The following MICAL3 variants were observed in gnomAD, a reference collection of about 807,000 sequenced individuals.
MICAL3 encodes microtubule associated monooxygenase, calponin and LIM domain containing 3.
A neutral mutation model predicts 207.4 loss-of-function variants in MICAL3; 62 were observed. That is an observed-to-expected ratio of 0.30 (90% CI 0.24 to 0.37). The LOEUF is 0.37. MICAL3 is among the 10% of genes least tolerant of loss of function. MICAL3 has a pLI of 1.00. For synonymous variants in MICAL3, 1,077 were observed against 1,069.3 expected (o/e 1.01, Z -0.14); for missense variants, 2,368 against 2,635.6 (o/e 0.90, Z 2.22).
At chr22:18,002,478 C>A (rs1923103757) in intron 1 of MICAL3, among the ~76,000 whole-genome samples, 1 of 151,818 alleles carries the variant, frequency 6.6e-6, no homozygotes, top group Non-Finnish European at 1.5e-5. Flanking sequence ...ACTAAAAATA[C>A]AAAAAATAGC....
intron 16 of MICAL3, among the ~76,000 whole-genome samples, chr22:17,881,524 G>A (rs985384807): frequency 6.6e-6 from 1 of 151,838 alleles, no homozygotes; most frequent in African/African-American, 2.4e-5. Flanking sequence ...GCGGGACTGG[G>A]GAGAACCAGC....
At position 17,791,212 on chromosome 22, in the gene MICAL3, G is replaced by A. The variant is rs61743624; in HGVS notation, c.5740C>T (p.Leu1914=). ...KNAMVRYESE[L]MIFARELELE... ...CCCAAGGCCACTCACAAGATCATCAGCTCCGACTCGTAGCGCACCATGGCG... is the reference window on the plus strand; with the variant it reads ...CCCAAGGCCACTCACAAGATCATCAACTCCGACTCGTAGCGCACCATGGCG... Residue 1914 remains leucine, a synonymous_variant, in exon 30 of 32, where the codon CTG becomes TTG. Coordinates refer to ENST00000441493, the MANE Select transcript of MICAL3 (RefSeq NM_015241.3). The A allele has an allele frequency of 1.8e-3, 2,971 of 1,613,784 alleles. 6 individuals are homozygous for A. Among genetic ancestry groups the A allele is most frequent in the Non-Finnish European group, 2.3e-3 (2,693 of 1,179,830 alleles).
rs369848738 is a variant in MICAL3 at position 17,928,819 on chromosome 22, G to T, written c.-74-21933C>A. Among the ~76,000 whole-genome samples the T allele has an allele frequency of 4.6e-3, 698 of 152,278 alleles. 5 individuals are homozygous for T. Among genetic ancestry groups the T allele is most frequent in the Non-Finnish European group, 7.1e-3 (482 of 68,018 alleles). On this transcript the variant is annotated intron_variant, in intron 1 of 31. Transcript: ENST00000441493. ...CTTAGAACTTTTTTTTCTTAAGACG[G>T]AGTCTCACTCTGTCACCCAGGCTGG...
intron 1 of MICAL3, among the ~76,000 whole-genome samples, chr22:17,925,882 G>C (rs1312627224): frequency 1.3e-5 from 2 of 152,160 alleles, no homozygotes; most frequent in Non-Finnish European, 2.9e-5. Context: ...CCTCCTGACA[G>C]CTGGGTGCTT....
chr22:17,994,734 GA>G (rs921533327), intron 1 of MICAL3, among the ~76,000 whole-genome samples: 3 of 143,992 alleles, frequency 2.1e-5, no homozygotes, highest in African/African-American at 7.7e-5. Context: ...AAAAAAAAAA[GA>G]AAAAAAAAGA....
At chr22:17,864,172 C>T (rs1263340598) in intron 19 of MICAL3, 1 of 989,328 alleles carries the variant, frequency 1.0e-6, no homozygotes, top group African/African-American at 1.7e-5. Context: ...CCTGCGAGTC[C>T]TGTCATGCTA....
rs78225276 is a variant in MICAL3, at chr22:17,892,463, T to C, written c.1547-831A>G. The stretch of plus-strand genomic sequence containing the variant: ...GTTTGTACTAAGTCATTTAGTAATT[T>C]GTGAACATAAGCTAAAAACCAAGTA... On this transcript the variant is annotated intron_variant, in intron 11 of 31. Transcript: ENST00000441493. Among the ~76,000 whole-genome samples the C allele has an allele frequency of 5.3e-3, 800 of 152,344 alleles. 10 individuals are homozygous for C. Among genetic ancestry groups the C allele is most frequent in the African/African-American group, 0.018 (753 of 41,566 alleles).
intron 16 of MICAL3, among the ~76,000 whole-genome samples, chr22:17,884,705 G>A (rs1929724861): frequency 6.6e-6 from 1 of 152,176 alleles, no homozygotes; most frequent in Admixed American, 6.5e-5. Flanking sequence ...TCTCTTAGAG[G>A]CAACCTTCCT....
At chr22:17,876,874 G>GGGAGGTTATGGAGGTTAGGGAGGTTAT (rs1928538787) in intron 16 of MICAL3, 2 of 18,572 alleles carry the variant, frequency 1.1e-4, no homozygotes, top group East Asian at 1.5e-3. Flanking sequence ...AGGGAGGTTA[G>GGGAGGTTATGGAGGTTAGGGAGGTTAT]GGAGGTTAGG....
chr22:17,809,634 A>T (rs2062022866), intron 28 of MICAL3, among the ~76,000 whole-genome samples: 1 of 152,052 alleles, frequency 6.6e-6, no homozygotes, highest in Non-Finnish European at 1.5e-5. Flanking sequence ...CGTCTCAAAC[A>T]AAACAAAACA....
chr22:17,907,740 A>G (rs1219042552), intron 1 of MICAL3, among the ~76,000 whole-genome samples: 2 of 152,164 alleles, frequency 1.3e-5, no homozygotes, highest in Non-Finnish European at 2.9e-5. Context: ...CAGTAGGGAG[A>G]GGTCTGAAGA....
chr22:17,872,017 T>G lies in MICAL3; in HGVS notation c.2248A>C (p.Met750Leu), dbSNP rs5992128. ...AGGTTCTGCGGGAACTCCTTCTTCA[T>G]GGAGCCCTGCAGGAGGTGGCGGTCG... is the stretch of plus-strand genomic sequence containing the variant. ...QSIGIRRQGS[M>L]KKEFPQNLGG... The change falls in exon 17 of 32, where the codon ATG becomes CTG. Residue 750 changes from methionine to leucine, a missense_variant. This residue lies in a region of MICAL3 where 1,770 missense variants were observed against 1,863.2 expected (regional missense o/e 0.95). Transcript: ENST00000441493. The G allele has an allele frequency of 0.023, 36,212 of 1,602,090 alleles. 459 individuals are homozygous for G. The highest frequency in any genetic ancestry group is 0.035 in the African/African-American group (2,649 of 74,828).
At chr22:17,896,509 G>A in intron 8 of MICAL3, 148 bp from the exon 9 acceptor site, 1 of 753,630 alleles carries the variant, frequency 1.3e-6, no homozygotes, top group Non-Finnish European at 2.2e-6. Flanking sequence ...GATTGGCAAG[G>A]AGTAAGTCAA....
chr22:17,824,050 A>C (rs1452241989), intron 22 of MICAL3, among the ~76,000 whole-genome samples: 1 of 151,976 alleles, frequency 6.6e-6, no homozygotes, highest in Non-Finnish European at 1.5e-5. Context: ...AACCCTCGAC[A>C]ACTTCCCCTC....
chr22:17,884,841 G>A (rs1929735349), intron 16 of MICAL3, among the ~76,000 whole-genome samples: 1 of 152,144 alleles, frequency 6.6e-6, no homozygotes, highest in Non-Finnish European at 1.5e-5. Context: ...TGAAAAGACT[G>A]GCGTGCAAAG....
At chr22:17,988,463 T>G (rs541305292) in intron 1 of MICAL3, among the ~76,000 whole-genome samples, 1 of 152,298 alleles carries the variant, frequency 6.6e-6, no homozygotes, top group East Asian at 1.9e-4. Context: ...TTTTTTTGGT[T>G]TTGTTTCCTG....
At chr22:17,819,179 C>T in intron 25 of MICAL3, 50 bp from the exon 26 acceptor site, 2 of 1,414,464 alleles carry the variant, frequency 1.4e-6, no homozygotes, top group East Asian at 4.9e-5. Context: ...GCTTTCACGA[C>T]CAGCAGCATC....
At chr22:17,895,468 T>G (rs1930748716) in intron 9 of MICAL3, 58 bp from the exon 10 acceptor site, 1 of 1,592,006 alleles carries the variant, frequency 6.3e-7, no homozygotes, top group Admixed American at 1.7e-5. Flanking sequence ...CATCTCCCTC[T>G]CGTTTCATGA....
At chr22:17,833,879 T>G (rs760518794) in intron 20 of MICAL3, among the ~76,000 whole-genome samples, 45 of 152,178 alleles carry the variant, frequency 3.0e-4, no homozygotes, top group Non-Finnish European at 5.3e-4. Context: ...ACAGCTGTCC[T>G]GGCCCCACAG....
Sources: allele counts gnomAD v4.1 joint callset (sites outside exome capture counted in the v4.1 genomes callset), GRCh38; gene constraint gnomAD v4.1.1; regional missense constraint gnomAD v4.1.1; transcripts MANE v1.5; gene names NCBI Gene and HGNC (gene_info 2026-07-23, HGNC 2026-07-21).